Variants in SDK1 observed in about 807,000 individuals in gnomAD.
SDK1 encodes sidekick cell adhesion molecule 1.
SDK1 carries 157 observed loss-of-function variants against 245.5 expected under a neutral mutation model. The observed-to-expected ratio is 0.64, with a 90% CI of 0.56 to 0.73. The LOEUF (loss-of-function observed/expected upper bound fraction) is 0.73. Among genes scored for constraint, SDK1 ranks in the 30% least tolerant of loss-of-function variants. SDK1 has a pLI of 0.00. For missense variants in SDK1, 3,583 were observed against 3,002.3 expected, an observed-to-expected ratio of 1.19 and a Z score of -4.52; for synonymous variants, 1,647 against 1,278.5, an observed-to-expected ratio of 1.29 and a Z score of -6.15.
intron 4 of SDK1, among the ~76,000 whole-genome samples, chr7:3,766,938 G>C (rs1254137196): frequency 1.3e-5 from 2 of 152,180 alleles, no homozygotes; most frequent in African/African-American, 4.8e-5. Context: ...TTCCACACAA[G>C]AGAAGTAGCA....
chr7:3,950,466 A>G (rs1780760649), intron 5 of SDK1, among the ~76,000 whole-genome samples: 1 of 152,162 alleles, frequency 6.6e-6, no homozygotes, highest in Non-Finnish European at 1.5e-5. Context: ...TTTGAGAGAT[A>G]GAGAGGGACC....
intron 1 of SDK1, among the ~76,000 whole-genome samples, chr7:3,570,284 T>A (rs1206998557): frequency 6.6e-6 from 1 of 152,192 alleles, no homozygotes; most frequent in African/African-American, 2.4e-5. Flanking sequence ...AGTTAGATTC[T>A]CATAAGGAGT....
intron 10 of SDK1, among the ~76,000 whole-genome samples, chr7:3,968,279 A>T (rs1782229377): frequency 6.6e-6 from 1 of 152,240 alleles, no homozygotes; most frequent in African/African-American, 2.4e-5. Flanking sequence ...TGCAGTTCCC[A>T]TAGCCCGTTC....
chr7:3,626,151 C>G (rs1171995361), intron 2 of SDK1, among the ~76,000 whole-genome samples: 1 of 151,686 alleles, frequency 6.6e-6, no homozygotes, highest in Non-Finnish European at 1.5e-5. Flanking sequence ...TGTTGCCCAG[C>G]CTAGTCTTGA....
At chr7:3,417,049 C>T (rs1779386738) in intron 1 of SDK1, among the ~76,000 whole-genome samples, 1 of 152,124 alleles carries the variant, frequency 6.6e-6, no homozygotes, top group Non-Finnish European at 1.5e-5. Flanking sequence ...TGGCATGCGA[C>T]TGTAATCCTA....
intron 1 of SDK1, among the ~76,000 whole-genome samples, chr7:3,408,295 T>C (rs1330197560): frequency 7.2e-5 from 11 of 152,116 alleles, no homozygotes; most frequent in Non-Finnish European, 1.5e-4. Context: ...ATGCCTGCTG[T>C]GGCCTCCCAA....
intron 4 of SDK1, among the ~76,000 whole-genome samples, chr7:3,751,405 A>C (rs1779768407): frequency 6.8e-6 from 1 of 147,304 alleles, no homozygotes; most frequent in Non-Finnish European, 1.5e-5. Flanking sequence ...TGGCAAACTA[A>C]ATGTGAGAGA....
At chr7:4,114,386 G>A (rs1783559130) in intron 25 of SDK1, 112 bp downstream of exon 25, 2 of 820,998 alleles carry the variant, frequency 2.4e-6, no homozygotes, top group Admixed American at 5.1e-5. Flanking sequence ...TCCCACTTGT[G>A]TCTGTCTTGG....
At chr7:3,588,088 G>A (rs1780748737) in intron 1 of SDK1, among the ~76,000 whole-genome samples, 7 of 152,162 alleles carry the variant, frequency 4.6e-5, no homozygotes, top group Admixed American at 4.6e-4. Context: ...ATCTTTGGTG[G>A]ATCTACGAGC....
At chr7:3,395,037 T>G (rs1781858266) in intron 1 of SDK1, among the ~76,000 whole-genome samples, 2 of 152,036 alleles carry the variant, frequency 1.3e-5, no homozygotes, top group African/African-American at 2.4e-5. Flanking sequence ...CTGTGCTGAA[T>G]AGAGGAGATG....
At chr7:4,107,422 G>A (rs987746778) in intron 22 of SDK1, among the ~76,000 whole-genome samples, 1 of 152,002 alleles carries the variant, frequency 6.6e-6, no homozygotes, top group African/African-American at 2.4e-5. Context: ...GTGCTTATAC[G>A]TGATTGATAA....
At chr7:3,630,378 A>C (rs750135800) in intron 2 of SDK1, among the ~76,000 whole-genome samples, 4 of 152,236 alleles carry the variant, frequency 2.6e-5, no homozygotes, top group Admixed American at 6.5e-5. Context: ...AAAGCTGCTG[A>C]TAAGTGAGTT....
intron 19 of SDK1, among the ~76,000 whole-genome samples, chr7:4,057,429 G>T (rs1779272259): frequency 6.6e-6 from 1 of 152,156 alleles, no homozygotes; most frequent in Non-Finnish European, 1.5e-5. Flanking sequence ...TGGGCCTGGG[G>T]ACTGGCCTGC....
chr7:4,030,916 T>A (rs1787764994), intron 17 of SDK1, among the ~76,000 whole-genome samples: 1 of 152,096 alleles, frequency 6.6e-6, no homozygotes, highest in South Asian at 2.1e-4. Context: ...CCTACTACAC[T>A]ATGAGCTCCA....
intron 32 of SDK1, among the ~76,000 whole-genome samples, chr7:4,166,116 C>A (rs1373256007): frequency 1.3e-5 from 2 of 152,196 alleles, no homozygotes; most frequent in Non-Finnish European, 2.9e-5. Flanking sequence ...TGTTTTCTAG[C>A]AAAGAAAAAA....
At chr7:3,937,534 G>A (rs1033520527) in intron 5 of SDK1, among the ~76,000 whole-genome samples, 3 of 152,198 alleles carry the variant, frequency 2.0e-5, no homozygotes, top group Admixed American at 6.5e-5. Context: ...TCGCAGGTCC[G>A]TTTGGATCCC....
intron 5 of SDK1, among the ~76,000 whole-genome samples, chr7:3,943,218 A>C (rs896161639): frequency 5.9e-5 from 9 of 152,000 alleles, no homozygotes; most frequent in African/African-American, 2.2e-4. Flanking sequence ...TTTTTTAATG[A>C]GGTGCTGAGA....
chr7:3,465,563 G>C (rs974912876), intron 1 of SDK1, among the ~76,000 whole-genome samples: 9 of 152,224 alleles, frequency 5.9e-5, no homozygotes, highest in Non-Finnish European at 1.3e-4. Context: ...CTCATTGCTA[G>C]GTTCATATAC....
intron 4 of SDK1, among the ~76,000 whole-genome samples, chr7:3,684,175 C>T (rs1452628679): frequency 2.6e-5 from 4 of 152,176 alleles, no homozygotes; most frequent in African/African-American, 7.2e-5. Context: ...GCAGGTCTAG[C>T]GTGGAGCTAA....
Sources: allele counts gnomAD v4.1 joint callset (sites outside exome capture counted in the v4.1 genomes callset), GRCh38; gene constraint gnomAD v4.1.1; transcripts MANE v1.5; gene names NCBI Gene and HGNC (gene_info 2026-07-23, HGNC 2026-07-21).